Variants in TTLL5 observed in about 807,000 individuals in gnomAD.
TTLL5 encodes the protein tubulin tyrosine ligase like 5.
Under a neutral mutation model 168.4 loss-of-function variants are expected in TTLL5, and 132 were observed. That is an observed-to-expected ratio of 0.78 (90% CI 0.68 to 0.91). TTLL5 has a LOEUF of 0.91. TTLL5 is among the 40% of genes least tolerant of loss of function. The pLI is 0.00. For missense variants in TTLL5, 1,545 were observed against 1,581.5 expected, an observed-to-expected ratio of 0.98 and a Z score of 0.39; for synonymous variants, 546 against 558.6, an observed-to-expected ratio of 0.98 and a Z score of 0.32.
chr14:75,670,480 C>T (rs1333272397), intron 3 of TTLL5, among the ~76,000 whole-genome samples: 1 of 152,176 alleles, frequency 6.6e-6, no homozygotes, highest in Non-Finnish European at 1.5e-5. Context: ...CTGTGTTTAA[C>T]TTATTCCGTG....
chr14:75,811,156 A>AGAGTGTGTGT (rs60194482), intron 27 of TTLL5, among the ~76,000 whole-genome samples: 21,270 of 116,104 alleles, frequency 0.18, 2,115 homozygotes, highest in Non-Finnish European at 0.2. Context: ...TGAAAGAAAG[A>AGAGTGTGTGT]GTGTGTGTGT....
intron 28 of TTLL5, among the ~76,000 whole-genome samples, chr14:75,839,867 T>G (rs561191723): frequency 6.6e-6 from 1 of 152,370 alleles, no homozygotes; most frequent in Admixed American, 6.5e-5. Context: ...GTATCTTCTT[T>G]GGAGAAATCT....
At chr14:75,743,094 A>G (rs1018812084) in intron 15 of TTLL5, among the ~76,000 whole-genome samples, 2 of 152,216 alleles carry the variant, frequency 1.3e-5, no homozygotes, top group African/African-American at 4.8e-5. Context: ...ACTTCATGCC[A>G]AGTACAGTGT....
chr14:75,666,876 T>A (rs1236956734), intron 2 of TTLL5, among the ~76,000 whole-genome samples: 2 of 152,228 alleles, frequency 1.3e-5, no homozygotes, highest in Non-Finnish European at 2.9e-5. Context: ...ATAAAACTGA[T>A]CTGCTTCGGT....
At chr14:75,866,767 G>A (rs1025008206) in intron 29 of TTLL5, among the ~76,000 whole-genome samples, 5 of 152,148 alleles carry the variant, frequency 3.3e-5, no homozygotes, top group African/African-American at 1.2e-4. Context: ...AATGAGCTTT[G>A]ATCTTCATCT....
intron 6 of TTLL5, among the ~76,000 whole-genome samples, chr14:75,698,855 T>C (rs1886052727): frequency 6.7e-6 from 1 of 150,322 alleles, no homozygotes; most frequent in South Asian, 2.1e-4. Context: ...CAATAAGCTA[T>C]GGAAGCACCA....
intron 17 of TTLL5, among the ~76,000 whole-genome samples, chr14:75,748,045 A>G (rs1416095192): frequency 6.6e-6 from 1 of 152,182 alleles, no homozygotes; most frequent in Non-Finnish European, 1.5e-5. Context: ...CTGTCTGTGT[A>G]GTCTGGAAAT....
At chr14:75,818,903 A>G (rs1366691148) in intron 27 of TTLL5, among the ~76,000 whole-genome samples, 2 of 152,238 alleles carry the variant, frequency 1.3e-5, no homozygotes, top group African/African-American at 2.4e-5. Flanking sequence ...AGTATTAAAA[A>G]CAATGCTTGA....
intron 15 of TTLL5, 44 bp downstream of exon 15, chr14:75,735,333 G>T: frequency 6.3e-7 from 1 of 1,590,748 alleles, no homozygotes; most frequent in East Asian, 2.2e-5. Flanking sequence ...GGCTTACTGG[G>T]AAGTGGCGGC....
intron 3 of TTLL5, among the ~76,000 whole-genome samples, chr14:75,680,144 A>G (rs1172571650): frequency 6.6e-6 from 1 of 152,232 alleles, no homozygotes. Flanking sequence ...TTTTTCAGTT[A>G]GTAGTGGTGC....
At chr14:75,924,103 G>A (rs2033922234) in intron 31 of TTLL5, among the ~76,000 whole-genome samples, 2 of 148,644 alleles carry the variant, frequency 1.3e-5, no homozygotes, top group Non-Finnish European at 3.0e-5. Flanking sequence ...TTTGTTTTGA[G>A]CCTATGTGTG....
intron 28 of TTLL5, among the ~76,000 whole-genome samples, chr14:75,863,278 A>G (rs2030183452): frequency 6.6e-6 from 1 of 152,220 alleles, no homozygotes; most frequent in African/African-American, 2.4e-5. Flanking sequence ...GTTAGAGAAA[A>G]TGATCATGCA....
intron 28 of TTLL5, among the ~76,000 whole-genome samples, chr14:75,841,919 TC>T (rs1468151385): frequency 1.3e-5 from 2 of 152,194 alleles, no homozygotes; most frequent in Non-Finnish European, 2.9e-5. Flanking sequence ...CTAATATGTC[TC>T]CATGTTTTTC....
chr14:75,695,581 C>T (rs1421538581), intron 6 of TTLL5, among the ~76,000 whole-genome samples: 1 of 152,148 alleles, frequency 6.6e-6, no homozygotes, highest in East Asian at 1.9e-4. Context: ...AACCTGCCAA[C>T]ATGTGATGTC....
intron 17 of TTLL5, among the ~76,000 whole-genome samples, chr14:75,747,258 A>G (rs1889674736): frequency 6.6e-6 from 1 of 151,806 alleles, no homozygotes; most frequent in South Asian, 2.1e-4. Context: ...TTTATTTTTC[A>G]TCAGTTTTTG....
At chr14:75,907,265 AAAG>A (rs1460121564) in intron 31 of TTLL5, among the ~76,000 whole-genome samples, 1 of 152,248 alleles carries the variant, frequency 6.6e-6, no homozygotes, top group African/African-American at 2.4e-5. Flanking sequence ...CCAACCAAAA[AAAG>A]CTCATACACC....
chr14:75,710,396 T>TTA (rs1204621437), intron 9 of TTLL5: 2 of 71,210 alleles, frequency 2.8e-5, no homozygotes, highest in African/African-American at 1.0e-4. Context: ...ACAAAAAAAT[T>TTA]TATACACACA....
At chr14:75,744,461 C>G (rs1234161417) in intron 15 of TTLL5, 3 of 152,222 alleles carry the variant, frequency 2.0e-5, no homozygotes, top group Admixed American at 2.0e-4. Flanking sequence ...ATTTGGCTGC[C>G]TTCTTGGAGT....
chr14:75,773,889 CA>C (rs1158824704), intron 21 of TTLL5, among the ~76,000 whole-genome samples: 2,970 of 35,980 alleles, frequency 0.083, 107 homozygotes, highest in Middle Eastern at 0.14. Flanking sequence ...GATACCGTCT[CA>C]AAAAAAAAAA....
Sources: allele counts gnomAD v4.1 joint callset (sites outside exome capture counted in the v4.1 genomes callset), GRCh38; gene constraint gnomAD v4.1.1; transcripts MANE v1.5; gene names NCBI Gene and HGNC (gene_info 2026-07-23, HGNC 2026-07-21).